The following SCARA3 variants were observed in gnomAD, a reference collection of about 807,000 sequenced individuals.
The protein encoded by SCARA3 is scavenger receptor class A member 3, also known as cellular stress response gene protein.
SCARA3 carries 39 observed loss-of-function variants against 47.0 expected under a neutral mutation model. The ratio of observed to expected loss-of-function variants is 0.83; its 90% CI spans 0.64 to 1.08. The LOEUF is 1.08. SCARA3 is among the 50% of genes least tolerant of loss of function. The probability of loss-of-function intolerance (pLI) is 0.00; values close to 1 mark genes in which losing one functional copy is unlikely to be tolerated. For missense variants in SCARA3, 724 were observed against 792.3 expected, an observed-to-expected ratio of 0.91 and a Z score of 1.04; for synonymous variants, 356 against 334.1, an observed-to-expected ratio of 1.07 and a Z score of -0.71.
chr8:27,634,077 C>G lies in SCARA3; in HGVS notation c.-124C>G, dbSNP rs924272232. Reference sequence around the variant, plus strand: ...CCGGAGCATGAGTCCCGGCCGGAGCCCCACGGCCGCGGGCGGCGCCTAGGA... The same window carrying G: ...CCGGAGCATGAGTCCCGGCCGGAGCGCCACGGCCGCGGGCGGCGCCTAGGA... On this transcript the variant is annotated 5_prime_UTR_variant, in exon 1 of 6. Coordinates refer to ENST00000301904, the MANE Select transcript of SCARA3 (RefSeq NM_016240.3). 4.0e-5 allele frequency: 35 copies of G among 866,926 alleles called. No individual in the cohort carries two copies. Among genetic ancestry groups the G allele is most frequent in the Non-Finnish European group, 5.5e-5 (35 of 634,734 alleles). 53.7% of individuals were successfully genotyped at this position (866,926 alleles called of 1,614,324 possible).
At chr8:27,677,867 C>T (rs1010126261), downstream of SCARA3, among the ~76,000 whole-genome samples, 7 of 152,128 alleles carry the variant, frequency 4.6e-5, no homozygotes, top group African/African-American at 1.7e-4. Flanking sequence ...GACCCCATGG[C>T]ATTTAATTAG....
chr8:27,662,304 C>A (rs1035007351), intron 5 of SCARA3, among the ~76,000 whole-genome samples: 1 of 152,234 alleles, frequency 6.6e-6, no homozygotes, highest in Non-Finnish European at 1.5e-5. Context: ...TGGAGAACCA[C>A]TCCTAAGCCC....
chr8:27,702,591 C>T, the SCARA3 span: 6 of 152,470 alleles, frequency 3.9e-5, no homozygotes, highest in Non-Finnish European at 7.3e-5. Flanking sequence ...TCTCTGTCCT[C>T]TCAGCCCTGT....
rs1406168026 is a variant in SCARA3 at position 27,672,953 on chromosome 8, C to T, written c.*1602C>T. 1.0e-5 allele frequency: 10 copies of T among 985,376 alleles called. No homozygotes were observed. The highest frequency in any genetic ancestry group is 1.1e-5 in the Non-Finnish European group (9 of 829,962). The allele number at this position is 985,376 out of a possible 1,614,324, so 61.0% of individuals were successfully genotyped here. ...GCACACCCCACGGCCATGTAACTCT[C>T]CTGTCCACATATGATAATACCATTC... On this transcript the variant is annotated 3_prime_UTR_variant, in exon 6 of 6. Coordinates refer to ENST00000301904, the MANE Select transcript of SCARA3 (RefSeq NM_016240.3).
chr8:27,648,205 C>G (rs537532373), intron 1 of SCARA3, among the ~76,000 whole-genome samples: 3 of 152,376 alleles, frequency 2.0e-5, no homozygotes, highest in African/African-American at 7.2e-5. Flanking sequence ...TTCTTCACTT[C>G]CCTGAACCTC....
chr8:27,687,151 CAA>C, the SCARA3 span, among the ~76,000 whole-genome samples: 1 of 152,142 alleles, frequency 6.6e-6, no homozygotes, highest in Non-Finnish European at 1.5e-5. Flanking sequence ...ACCAATTAGC[CAA>C]AGAGTGTCCA....
chr8:27,634,173 CCCTCCT>C lies in SCARA3; in HGVS notation c.-27_-22del. The C allele has an allele frequency of 6.9e-7, 1 of 1,442,780 alleles. No homozygotes were observed. The highest frequency in any genetic ancestry group is 9.1e-7 in the Non-Finnish European group (1 of 1,101,912). The allele number at this position is 1,442,780 out of a possible 1,614,324, so 89.4% of individuals were successfully genotyped here. Reference sequence around the variant, plus strand: ...ACAGCTCCAGCCGCCTGCAGCGGGGCCCTCCTGAGGCCCCAGAGGAAGAGACCATGA... The same window carrying C: ...ACAGCTCCAGCCGCCTGCAGCGGGGCGAGGCCCCAGAGGAAGAGACCATGA... On this transcript the variant is annotated 5_prime_UTR_variant, in exon 1 of 6. Coordinates refer to ENST00000301904, the MANE Select transcript of SCARA3 (RefSeq NM_016240.3).
At chr8:27,682,611 A>G in the SCARA3 span, among the ~76,000 whole-genome samples, 1 of 152,318 alleles carries the variant, frequency 6.6e-6, no homozygotes, top group East Asian at 1.9e-4. Flanking sequence ...AAGAATATGT[A>G]ACATGTGTAA....
At chr8:27,690,203 A>T in the SCARA3 span, among the ~76,000 whole-genome samples, 9 of 152,288 alleles carry the variant, frequency 5.9e-5, no homozygotes, top group East Asian at 5.8e-4. Flanking sequence ...CAAACAGCGT[A>T]TATCTTGGTA....
chr8:27,653,332 T>G (rs951025379), intron 3 of SCARA3, among the ~76,000 whole-genome samples: 3 of 151,844 alleles, frequency 2.0e-5, no homozygotes, highest in African/African-American at 7.3e-5. Flanking sequence ...CACGGGAGGG[T>G]ACAGACCTGG....
chr8:27,730,149 G>C, the SCARA3 span, among the ~76,000 whole-genome samples: 1 of 152,138 alleles, frequency 6.6e-6, no homozygotes, highest in Non-Finnish European at 1.5e-5. Flanking sequence ...TTCTTCTTTG[G>C]GTCATTCTAC....
the SCARA3 span, among the ~76,000 whole-genome samples, chr8:27,713,541 C>A: frequency 6.6e-6 from 1 of 152,086 alleles, no homozygotes; most frequent in African/African-American, 2.4e-5. Context: ...CTCATGGTTC[C>A]CTATTTTATC....
chr8:27,723,612 G>C, the SCARA3 span, among the ~76,000 whole-genome samples: 2 of 152,114 alleles, frequency 1.3e-5, no homozygotes, highest in African/African-American at 4.8e-5. Flanking sequence ...CCAACTCCTA[G>C]CTTCCTGGCC....
chr8:27,676,697 T>G (rs922941645), downstream of SCARA3: 1 of 729,192 alleles, frequency 1.4e-6, no homozygotes, highest in Admixed American at 2.2e-5. Flanking sequence ...TAAGCACATA[T>G]TATGCCTTGA....
chr8:27,705,763 A>G, the SCARA3 span, among the ~76,000 whole-genome samples: 1 of 152,260 alleles, frequency 6.6e-6, no homozygotes, highest in Non-Finnish European at 1.5e-5. Context: ...GGTTCTTCTA[A>G]AACAGAATGA....
intron 5 of SCARA3, among the ~76,000 whole-genome samples, chr8:27,666,791 C>T (rs921289581): frequency 1.3e-5 from 2 of 152,122 alleles, no homozygotes; most frequent in Admixed American, 6.5e-5. Context: ...TGCTGATGCC[C>T]GAGACACTGG....
intron 5 of SCARA3, among the ~76,000 whole-genome samples, chr8:27,661,385 G>C (rs756442280): frequency 6.6e-6 from 1 of 152,144 alleles, no homozygotes; most frequent in African/African-American, 2.4e-5. Context: ...TAAAGTCCTT[G>C]AGTGAATTTT....
chr8:27,718,713 C>T, the SCARA3 span, among the ~76,000 whole-genome samples: 577 of 152,340 alleles, frequency 3.8e-3, 6 homozygotes, highest in African/African-American at 0.013. Context: ...GGGGTGAATG[C>T]TCTATGTATT....
At chr8:27,729,957 A>T in the SCARA3 span, among the ~76,000 whole-genome samples, 1 of 152,222 alleles carries the variant, frequency 6.6e-6, no homozygotes, top group African/African-American at 2.4e-5. Flanking sequence ...CTCTTCTCCC[A>T]TCCATTCTGA....
Sources: allele counts gnomAD v4.1 joint callset (sites outside exome capture counted in the v4.1 genomes callset), GRCh38; gene constraint gnomAD v4.1.1; transcripts MANE v1.5; gene names NCBI Gene and HGNC (gene_info 2026-07-23, HGNC 2026-07-21).